Variants in DNAI1 observed in about 807,000 individuals in gnomAD.
DNAI1 encodes dynein, axonemal, intermediate polypeptide 1.
A neutral mutation model predicts 92.0 loss-of-function variants in DNAI1; 67 were observed. The observed-to-expected ratio is 0.73, with a 90% CI of 0.60 to 0.89. The LOEUF is 0.89. DNAI1 is among the 40% of genes least tolerant of loss of function. DNAI1 has a pLI of 0.00. For synonymous variants in DNAI1, 323 were observed against 319.6 expected (o/e 1.01, Z -0.11); for missense variants, 839 against 866.6 (o/e 0.97, Z 0.40).
chr9:34,508,295 A>T (rs1824982732), intron 13 of DNAI1, among the ~76,000 whole-genome samples: 1 of 152,196 alleles, frequency 6.6e-6, no homozygotes, highest in African/African-American at 2.4e-5. Flanking sequence ...GCCCAGGCAC[A>T]GGGGCCATGG....
chr9:34,483,182 G>C (rs570269536), intron 1 of DNAI1, among the ~76,000 whole-genome samples: 1 of 152,212 alleles, frequency 6.6e-6, no homozygotes, highest in Non-Finnish European at 1.5e-5. Context: ...CCTGCAAGCT[G>C]AGGGAGTGGG....
At chr9:34,492,818 G>A (rs565387001) in intron 8 of DNAI1, among the ~76,000 whole-genome samples, 1 of 151,508 alleles carries the variant, frequency 6.6e-6, no homozygotes, top group South Asian at 2.1e-4. Flanking sequence ...ACTGTGCCTG[G>A]CCTATTTTTT....
intron 16 of DNAI1, among the ~76,000 whole-genome samples, chr9:34,514,008 C>G (rs1483851273): frequency 6.6e-6 from 1 of 152,216 alleles, no homozygotes; most frequent in Non-Finnish European, 1.5e-5. Context: ...CAGGTGGAAC[C>G]AGGGCTCTGT....
At chr9:34,465,359 A>T (rs1824018126) in intron 1 of DNAI1, among the ~76,000 whole-genome samples, 1 of 151,336 alleles carries the variant, frequency 6.6e-6, no homozygotes, top group South Asian at 2.1e-4. Context: ...TTGTAACAGG[A>T]CAGGAGAAGG....
chr9:34,485,444 A>T lies in DNAI1; in HGVS notation c.188A>T (p.Lys63Met). 1 of 1,614,154 alleles carries T rather than the reference A, an allele frequency of 6.2e-7. No individual in the cohort carries two copies. The highest frequency in any genetic ancestry group is 8.5e-7 in the Non-Finnish European group (1 of 1,180,040). Reference protein sequence around the residue: ...DQLELTDAELKEEFTRILTAN... With the variant: ...DQLELTDAELMEEFTRILTAN... Reference sequence around the variant, plus strand: ...GGTATTTTTCTCCCTCAGGAGTTAAAGGAGGAGTTCACTCGGATTTTGACA... The same window carrying T: ...GGTATTTTTCTCCCTCAGGAGTTAATGGAGGAGTTCACTCGGATTTTGACA... The change falls in exon 4 of 20, where the codon AAG becomes ATG. Residue 63 changes from lysine (K) to methionine (M), a missense_variant. Transcript: ENST00000242317.
rs1340232444 is a variant in DNAI1, at chr9:34,463,648, C to A, written c.48+4595C>A. ...GTTTATGACTAACAAATTTTAGTAC[C>A]TCTTTATAACTCAGTTGGTTACCAT... On this transcript the variant is annotated intron_variant, in intron 1 of 19. Coordinates refer to ENST00000242317, the MANE Select transcript of DNAI1 (RefSeq NM_012144.4). Among the ~76,000 whole-genome samples, 4 of 152,094 alleles carry A rather than the reference C, an allele frequency of 2.6e-5. No individual in the cohort carries two copies. The South Asian group carries it at 6.2e-4, about 24-fold the overall frequency.
Position 34,488,244 on chromosome 9 carries a change from A to C in DNAI1, c.262-1079A>C, listed in dbSNP as rs1824512412. On this transcript the variant is annotated intron_variant, in intron 4 of 19. Transcript: ENST00000242317. ...CTTAGGGCTTAGAGTGGTTAAGCCC[A>C]AAGTCATGAAGATAAGAAGCAGCAG... 1.7e-5 allele frequency: 3 copies of C among 180,350 alleles called. No individual in the cohort carries two copies. In the South Asian group the frequency reaches 2.6e-4, roughly 16 times the overall value. 11.2% of individuals were successfully genotyped at this position (180,350 alleles called of 1,614,324 possible).
At chr9:34,474,139 C>G (rs557219087) in intron 1 of DNAI1, among the ~76,000 whole-genome samples, 8 of 152,092 alleles carry the variant, frequency 5.3e-5, no homozygotes, top group Non-Finnish European at 8.8e-5. Flanking sequence ...CTCCTATTGG[C>G]GAATATTTGT....
intron 9 of DNAI1, among the ~76,000 whole-genome samples, chr9:34,495,718 T>C (rs1263185896): frequency 1.3e-5 from 2 of 152,052 alleles, no homozygotes; most frequent in African/African-American, 2.4e-5. Context: ...GTTGGGCCCA[T>C]AGGTAGAAGA....
chr9:34,516,333 C>T (rs1825170422), intron 18 of DNAI1, among the ~76,000 whole-genome samples: 1 of 152,092 alleles, frequency 6.6e-6, no homozygotes, highest in Admixed American at 6.6e-5. Context: ...ATTTTAAGTG[C>T]TTTAAAGGTA....
At chr9:34,471,722 A>T (rs1304822689) in intron 1 of DNAI1, among the ~76,000 whole-genome samples, 1 of 152,106 alleles carries the variant, frequency 6.6e-6, no homozygotes, top group East Asian at 1.9e-4. Flanking sequence ...GTGAGCTAAG[A>T]TCAAGCCATT....
At chr9:34,472,567 T>C (rs772970261) in intron 1 of DNAI1, among the ~76,000 whole-genome samples, 1 of 152,232 alleles carries the variant, frequency 6.6e-6, no homozygotes, top group African/African-American at 2.4e-5. Flanking sequence ...TTTTACATTC[T>C]TAATTAGCAT....
At chr9:34,484,016 G>C (rs990486113) in intron 2 of DNAI1, among the ~76,000 whole-genome samples, 1 of 152,116 alleles carries the variant, frequency 6.6e-6, no homozygotes, top group African/African-American at 2.4e-5. Flanking sequence ...AGGAGTTCGA[G>C]ACCAGCCTGG....
Position 34,512,436 on chromosome 9 carries a change from AG to A in DNAI1, c.1489+13del. 1 of 1,613,744 alleles carries A rather than the reference AG, an allele frequency of 6.2e-7. No homozygotes were observed. ...GCTGCACCCAGTGGGTAGGAGCCCC[AG>A]CCCTCTCACCTCCAGGCCTGGCCAG... On this transcript the variant is annotated intron_variant, in intron 15 of 19. Transcript: ENST00000242317.
At position 34,500,711 on chromosome 9, in the gene DNAI1, G is replaced by A. The variant is rs780334791; in HGVS notation, c.902-11G>A. ...CAGTCCCAGGGCTGACTCTGCCTGTGTGTGTTTAAGATTTTAAGTACTATG... is the reference window on the plus strand; with the variant it reads ...CAGTCCCAGGGCTGACTCTGCCTGTATGTGTTTAAGATTTTAAGTACTATG... On this transcript the variant is annotated splice_polypyrimidine_tract_variant and intron_variant, in intron 10 of 19. Transcript: ENST00000242317. 1.9e-6 allele frequency: 3 copies of A among 1,604,104 alleles called. No homozygotes were observed. The East Asian group carries it at 6.7e-5, about 36-fold the overall frequency.
At chr9:34,481,424 A>G (rs1564030080) in intron 1 of DNAI1, among the ~76,000 whole-genome samples, 2 of 152,322 alleles carry the variant, frequency 1.3e-5, no homozygotes, top group East Asian at 1.9e-4. Context: ...CCTCAGATAT[A>G]GGACCTGTCT....
Position 34,514,639 on chromosome 9 carries a change from G to A in DNAI1, c.1719-1G>A, listed in dbSNP as rs1825138606. 1 of 1,614,112 alleles carries A rather than the reference G, an allele frequency of 6.2e-7. No individual in the cohort carries two copies. The highest frequency in any genetic ancestry group is 1.3e-5 in the African/African-American group (1 of 74,934). On this transcript the variant is annotated splice_acceptor_variant, in intron 17 of 19. Coordinates refer to ENST00000242317, the MANE Select transcript of DNAI1 (RefSeq NM_012144.4). LOFTEE classifies it high-confidence loss of function. Reference sequence around the variant, plus strand: ...GGGCTTTCCACCCTCCACCTCTGCAGGACCCCGATGTTCATCTATGACCTG... The same window carrying A: ...GGGCTTTCCACCCTCCACCTCTGCAAGACCCCGATGTTCATCTATGACCTG...
At chr9:34,497,236 T>C in intron 10 of DNAI1, 37 bp downstream of exon 10, 4 of 1,531,008 alleles carry the variant, frequency 2.6e-6, no homozygotes, top group Non-Finnish European at 3.6e-6. Flanking sequence ...TATTATTGCC[T>C]GTATTAAAAA....
intron 8 of DNAI1, among the ~76,000 whole-genome samples, chr9:34,492,493 G>GATATAGATAT (rs1824623541): frequency 1.5e-5 from 1 of 68,268 alleles, no homozygotes; most frequent in African/African-American, 5.1e-5. Context: ...GGGATATGAA[G>GATATAGATAT]ATATATATAT....
Sources: gnomAD v4.1 joint callset for allele counts (sites outside exome capture counted in the v4.1 genomes callset) on GRCh38, gnomAD v4.1.1 for gene constraint, MANE v1.5 for transcripts, NCBI Gene and HGNC (gene_info 2026-07-23, HGNC 2026-07-21) for gene names.